The following FAM13A variants were observed in gnomAD, a reference collection of about 807,000 sequenced individuals.
FAM13A encodes protein FAM13A.
FAM13A carries 76 observed loss-of-function variants against 129.6 expected under a neutral mutation model. That is an observed-to-expected ratio of 0.59 (90% CI 0.49 to 0.71). The LOEUF (loss-of-function observed/expected upper bound fraction) is 0.71, where lower values mean the gene tolerates loss of function less well. Among genes scored for constraint, FAM13A ranks in the 30% least tolerant of loss-of-function variants. The pLI is 0.00. For synonymous variants in FAM13A, 443 were observed against 449.9 expected, an observed-to-expected ratio of 0.98 and a Z score of 0.20; for missense variants, 1,108 against 1,249.3, an observed-to-expected ratio of 0.89 and a Z score of 1.70.
intron 4 of FAM13A, among the ~76,000 whole-genome samples, chr4:88,952,193 C>T (rs916537668): frequency 1.3e-5 from 2 of 151,956 alleles, no homozygotes; most frequent in African/African-American, 2.4e-5. Context: ...TATAAACAGC[C>T]GTTGAGATGG....
intron 4 of FAM13A, among the ~76,000 whole-genome samples, chr4:88,977,317 A>G (rs1761045008): frequency 6.6e-6 from 1 of 152,190 alleles, no homozygotes; most frequent in African/African-American, 2.4e-5. Flanking sequence ...GCACATACAG[A>G]GTGGATATGA....
intron 14 of FAM13A, among the ~76,000 whole-genome samples, chr4:88,751,964 A>G (rs1013059819): frequency 6.6e-6 from 1 of 152,196 alleles, no homozygotes; most frequent in Non-Finnish European, 1.5e-5. Flanking sequence ...ACTATCTTAA[A>G]TAAGTGCTTA....
intron 4 of FAM13A, among the ~76,000 whole-genome samples, chr4:88,945,729 T>G (rs1024888629): frequency 4.9e-5 from 7 of 143,752 alleles, no homozygotes; most frequent in African/African-American, 1.6e-4. Flanking sequence ...AAGTCACATT[T>G]TCTTACTATA....
At chr4:88,872,323 T>C (rs1741561852) in intron 6 of FAM13A, among the ~76,000 whole-genome samples, 1 of 152,168 alleles carries the variant, frequency 6.6e-6, no homozygotes, top group Non-Finnish European at 1.5e-5. Flanking sequence ...ATAAGCTAAA[T>C]GCCCCAATTA....
intron 7 of FAM13A, among the ~76,000 whole-genome samples, chr4:88,808,751 C>T (rs540103141): frequency 6.6e-6 from 1 of 151,980 alleles, no homozygotes; most frequent in East Asian, 1.9e-4. Flanking sequence ...AATGACCAAG[C>T]TTAAGCAGCC....
chr4:88,834,025 C>CTCT (rs951064698), intron 7 of FAM13A, among the ~76,000 whole-genome samples: 5 of 150,088 alleles, frequency 3.3e-5, no homozygotes, highest in African/African-American at 1.2e-4. Context: ...AAGTAGCTGG[C>CTCT]TCTACAGGTG....
At chr4:88,838,190 A>AAT (rs35212812) in intron 7 of FAM13A, among the ~76,000 whole-genome samples, 111,139 of 151,912 alleles carry the variant, frequency 0.73, 41,895 homozygotes, top group East Asian at 0.95. Flanking sequence ...CCTGAAACCT[A>AAT]CCCCCAGGGA....
intron 4 of FAM13A, among the ~76,000 whole-genome samples, chr4:88,951,269 G>C (rs1756907907): frequency 6.6e-6 from 1 of 152,154 alleles, no homozygotes; most frequent in Non-Finnish European, 1.5e-5. Flanking sequence ...GCAGACTTCT[G>C]ATGACTTTAG....
chr4:88,959,352 G>C lies in FAM13A; in HGVS notation c.606-21111C>G, dbSNP rs529427427. Reference sequence around the variant, plus strand: ...TGTTGGTAGTGGGGCTTGGTGGGAAGTGTTTGATCATGGGGGATGGTTCCC... The same window carrying C: ...TGTTGGTAGTGGGGCTTGGTGGGAACTGTTTGATCATGGGGGATGGTTCCC... On this transcript the variant is annotated intron_variant, in intron 4 of 23. Coordinates refer to ENST00000264344, the MANE Select transcript of FAM13A (RefSeq NM_014883.4). Among the ~76,000 whole-genome samples the C allele has an allele frequency of 3.3e-5, 5 of 152,306 alleles. No individual in the cohort carries two copies. The South Asian group carries it at 1.0e-3, about 32-fold the overall frequency.
chr4:88,750,819 C>G (rs1289969514), intron 14 of FAM13A, among the ~76,000 whole-genome samples, 182 bp from the exon 15 acceptor site: 1 of 152,236 alleles, frequency 6.6e-6, no homozygotes, highest in Non-Finnish European at 1.5e-5. Flanking sequence ...ACCAATATGT[C>G]TGACAGCCAT....
Position 88,875,336 on chromosome 4 carries a change from T to C in FAM13A, c.844-24153A>G, listed in dbSNP as rs185232614. Among the ~76,000 whole-genome samples, 449 of 152,210 alleles carry C rather than the reference T, an allele frequency of 2.9e-3. 13 individuals carry two copies. The East Asian group carries it at 0.066, about 22-fold the overall frequency. ...AGCTTCTGCAAAGCAAAAGAAACTA[T>C]CATCAGAGTGAACAGGCAACCTACA... On this transcript the variant is annotated intron_variant, in intron 6 of 23. Transcript: ENST00000264344.
chr4:88,894,649 G>A lies in FAM13A; in HGVS notation c.843+11730C>T, dbSNP rs561536004. 2.6e-5 allele frequency among the ~76,000 whole-genome samples: 4 copies of A among 152,242 alleles called. No homozygotes were observed. In the South Asian group the frequency reaches 8.3e-4, roughly 32 times the overall value. ...CAATTCTTGTGCCTCAACCTCCTGA[G>A]TAGCTGAGATTACAGGCATGCGCCA... On this transcript the variant is annotated intron_variant, in intron 6 of 23. Transcript: ENST00000264344.
chr4:88,741,181 A>G (rs1331419755), intron 19 of FAM13A, among the ~76,000 whole-genome samples: 2 of 152,224 alleles, frequency 1.3e-5, no homozygotes, highest in East Asian at 3.8e-4. Flanking sequence ...TAAGTTCATC[A>G]AAAGACATAT....
intron 11 of FAM13A, among the ~76,000 whole-genome samples, 157 bp downstream of exon 11, chr4:88,781,008 T>C (rs1307919500): frequency 6.6e-6 from 1 of 152,152 alleles, no homozygotes; most frequent in African/African-American, 2.4e-5. Flanking sequence ...TTGTATTTAT[T>C]AAAAAGAAAT....
At position 88,747,679 on chromosome 4, in the gene FAM13A, C is replaced by G; in HGVS notation, c.2334G>C (p.Arg778Ser). ...SVEATLESIQRKLQEKRAESS... is the reference protein window; with the variant it reads ...SVEATLESIQSKLQEKRAESS... ...TTTCCGCTCGCTTCTCCTGGAGCTT[C>G]CTCTGAATAGATTCCAATGTGGCTT... The change falls in exon 18 of 24, where the codon AGG (arginine) becomes AGC (serine). Residue 778 changes from arginine (R) to serine (S), a missense_variant. By Grantham distance (110) the Arg-to-Ser change is moderately radical. This residue lies in a region of FAM13A where 529 missense variants were observed against 621.2 expected (regional missense o/e 0.85). Coordinates refer to ENST00000264344, the MANE Select transcript of FAM13A (RefSeq NM_014883.4). 6.2e-7 allele frequency: 1 copy of G among 1,614,174 alleles called. No individual in the cohort carries two copies. Among genetic ancestry groups the G allele is most frequent in the Non-Finnish European group, 8.5e-7 (1 of 1,180,026 alleles).
chr4:89,019,195 C>T (rs74806780), intron 3 of FAM13A, among the ~76,000 whole-genome samples: 7,356 of 152,180 alleles, frequency 0.048, 282 homozygotes, highest in South Asian at 0.22. Context: ...TAAAATATTT[C>T]TGGTACTTTC....
chr4:88,790,530 A>C, intron 9 of FAM13A, 56 bp downstream of exon 9: 3 of 1,288,122 alleles, frequency 2.3e-6, no homozygotes, highest in Non-Finnish European at 3.3e-6. Context: ...AATAAGTGGG[A>C]CAGGGCATTA....
intron 4 of FAM13A, among the ~76,000 whole-genome samples, chr4:88,949,365 C>A (rs966401458): frequency 9.2e-5 from 14 of 152,110 alleles, no homozygotes; most frequent in African/African-American, 3.4e-4. Flanking sequence ...ACATTCCATG[C>A]AGATACTATG....
intron 7 of FAM13A, among the ~76,000 whole-genome samples, chr4:88,833,215 A>G (rs1259522626): frequency 6.6e-6 from 1 of 152,142 alleles, no homozygotes; most frequent in Non-Finnish European, 1.5e-5. Context: ...AACAACATAC[A>G]CTGGGGCCTG....
Sources: gnomAD v4.1 joint callset for allele counts (sites outside exome capture counted in the v4.1 genomes callset) on GRCh38, gnomAD v4.1.1 for gene constraint, gnomAD v4.1.1 regional missense constraint, MANE v1.5 for transcripts, NCBI Gene and HGNC (gene_info 2026-07-23, HGNC 2026-07-21) for gene names.